ST6GALNAC3: variants seen among roughly 807,000 people sequenced by gnomAD.
ST6GALNAC3 encodes ST6 N-acetylgalactosaminide alpha-2,6-sialyltransferase 3, also known as alpha-N-acetylgalactosaminide alpha-2,6-sialyltransferase 3.
In ST6GALNAC3, 25 loss-of-function variants were observed where a neutral mutation model predicts 32.7. The ratio of observed to expected loss-of-function variants is 0.76; its 90% CI spans 0.56 to 1.07. ST6GALNAC3 has a LOEUF of 1.07. Ranked by LOEUF, ST6GALNAC3 falls within the 50% of genes least tolerant of loss-of-function variation. The probability of loss-of-function intolerance (pLI) is 0.00; values close to 1 mark genes in which losing one functional copy is unlikely to be tolerated. For missense variants in ST6GALNAC3, 355 were observed against 382.4 expected, an observed-to-expected ratio of 0.93 and a Z score of 0.60; for synonymous variants, 129 against 133.1, an observed-to-expected ratio of 0.97 and a Z score of 0.21.
intron 1 of ST6GALNAC3, among the ~76,000 whole-genome samples, chr1:76,081,004 A>G (rs1264645841): frequency 1.3e-5 from 2 of 152,172 alleles, no homozygotes; most frequent in East Asian, 1.9e-4. Context: ...TGGATTGATA[A>G]CAACAGCAAC....
chr1:76,407,240 A>C (rs1360740003), intron 2 of ST6GALNAC3, among the ~76,000 whole-genome samples: 1 of 152,092 alleles, frequency 6.6e-6, no homozygotes, highest in Non-Finnish European at 1.5e-5. Context: ...GCTGAGATTA[A>C]GTTCACACTG....
chr1:76,257,648 G>A (rs753742911), intron 1 of ST6GALNAC3, among the ~76,000 whole-genome samples: 29 of 151,966 alleles, frequency 1.9e-4, no homozygotes, highest in Non-Finnish European at 3.7e-4. Context: ...CTCTTTCATC[G>A]CCCCACTTTG....
intron 1 of ST6GALNAC3, among the ~76,000 whole-genome samples, chr1:76,288,230 A>C (rs1431142366): frequency 6.6e-6 from 1 of 152,216 alleles, no homozygotes; most frequent in Non-Finnish European, 1.5e-5. Context: ...TTGGTGCTGA[A>C]ATGATTATTG....
chr1:76,603,063 A>C (rs968461939), intron 3 of ST6GALNAC3, among the ~76,000 whole-genome samples: 55 of 152,214 alleles, frequency 3.6e-4, no homozygotes, highest in Non-Finnish European at 5.3e-4. Context: ...GATTGGCAAA[A>C]ATTTTAGTCT....
intron 1 of ST6GALNAC3, among the ~76,000 whole-genome samples, chr1:76,181,374 A>T (rs1237031774): frequency 6.6e-6 from 1 of 152,236 alleles, no homozygotes; most frequent in African/African-American, 2.4e-5. Context: ...AAAAAAGTGT[A>T]GGCTACCTGC....
At chr1:76,537,202 T>C (rs999061681) in intron 3 of ST6GALNAC3, among the ~76,000 whole-genome samples, 17 of 151,494 alleles carry the variant, frequency 1.1e-4, no homozygotes, top group African/African-American at 3.9e-4. Context: ...AACCACAAAA[T>C]TACATGGAAA....
intron 1 of ST6GALNAC3, among the ~76,000 whole-genome samples, chr1:76,103,753 T>C (rs1346866731): frequency 6.6e-6 from 1 of 152,198 alleles, no homozygotes; most frequent in Non-Finnish European, 1.5e-5. Context: ...GCTATCTCTC[T>C]GTCCCTCCAT....
intron 1 of ST6GALNAC3, among the ~76,000 whole-genome samples, chr1:76,249,905 T>G (rs1324593335): frequency 2.6e-5 from 4 of 152,244 alleles, no homozygotes; most frequent in African/African-American, 9.6e-5. Flanking sequence ...ATATAATCTT[T>G]GGATGAATGC....
Position 76,182,449 on chromosome 1 carries a change from A to G in ST6GALNAC3, c.18+107565A>G, listed in dbSNP as rs528122893. On this transcript the variant is annotated intron_variant, in intron 1 of 4. Coordinates refer to ENST00000328299, the MANE Select transcript of ST6GALNAC3 (RefSeq NM_152996.4). ...TTTAGTGCCATTCATAAAACTTTTCATAAGAATGACTTCATAGAAGTTTCT... is the reference window on the plus strand; with the variant it reads ...TTTAGTGCCATTCATAAAACTTTTCGTAAGAATGACTTCATAGAAGTTTCT... Among the ~76,000 whole-genome samples, 5 of 152,302 alleles carry G rather than the reference A, an allele frequency of 3.3e-5. No individual in the cohort carries two copies. In the East Asian group the frequency reaches 9.6e-4, roughly 29 times the overall value.
chr1:76,564,704 G>A (rs1410450786), intron 3 of ST6GALNAC3, among the ~76,000 whole-genome samples: 1 of 150,800 alleles, frequency 6.6e-6, no homozygotes, highest in Non-Finnish European at 1.5e-5. Flanking sequence ...TCCTGCCTCA[G>A]CCTCCCAAGT....
At chr1:76,220,381 A>G (rs1323602865) in intron 1 of ST6GALNAC3, among the ~76,000 whole-genome samples, 1 of 152,256 alleles carries the variant, frequency 6.6e-6, no homozygotes, top group Non-Finnish European at 1.5e-5. Flanking sequence ...AGCATTTTAT[A>G]CAAAGTAAAA....
At chr1:76,144,090 GTCTCTCAAACT>G (rs1650519994) in intron 1 of ST6GALNAC3, among the ~76,000 whole-genome samples, 1 of 152,074 alleles carries the variant, frequency 6.6e-6, no homozygotes, top group African/African-American at 2.4e-5. Flanking sequence ...AATGAACCAG[GTCTCTCAAACT>G]CTAGGGCCCA....
intron 3 of ST6GALNAC3, among the ~76,000 whole-genome samples, chr1:76,463,266 G>A (rs902264357): frequency 8.5e-5 from 13 of 152,116 alleles, no homozygotes; most frequent in Non-Finnish European, 1.5e-4. Context: ...CGCTGCTTTA[G>A]GTAAATTGCG....
chr1:76,312,590 AAT>A (rs1239459384), intron 1 of ST6GALNAC3, among the ~76,000 whole-genome samples: 1 of 152,052 alleles, frequency 6.6e-6, no homozygotes, highest in Non-Finnish European at 1.5e-5. Flanking sequence ...AAAAAATAAA[AAT>A]AAAAAAATAA....
chr1:76,597,309 C>G (rs1185894916), intron 3 of ST6GALNAC3, among the ~76,000 whole-genome samples: 1 of 152,066 alleles, frequency 6.6e-6, no homozygotes, highest in South Asian at 2.1e-4. Flanking sequence ...GTATATGTCG[C>G]TTGCTGGGTC....
rs1659141614 is a variant in ST6GALNAC3, at chr1:76,276,482, G to A, written c.19-37323G>A. Among the ~76,000 whole-genome samples, 5 of 152,166 alleles carry A rather than the reference G, an allele frequency of 3.3e-5. No homozygotes were observed. The South Asian group carries it at 1.0e-3, about 32-fold the overall frequency. On this transcript the variant is annotated intron_variant, in intron 1 of 4. Coordinates refer to ENST00000328299, the MANE Select transcript of ST6GALNAC3 (RefSeq NM_152996.4). ...CACATGATTTGTGAGATTCATCCAT[G>A]CTGGTGGATGAATCTATTTCTTAAT...
At chr1:76,408,876 C>A (rs998308374) in intron 2 of ST6GALNAC3, among the ~76,000 whole-genome samples, 2 of 152,104 alleles carry the variant, frequency 1.3e-5, no homozygotes, top group African/African-American at 4.8e-5. Flanking sequence ...GCACCATATG[C>A]ATCTTGGTGA....
intron 1 of ST6GALNAC3, among the ~76,000 whole-genome samples, chr1:76,172,017 G>T (rs550084385): frequency 6.8e-4 from 103 of 151,818 alleles, no homozygotes; most frequent in African/African-American, 2.3e-3. Flanking sequence ...CCAAAACTGG[G>T]AAGAGACACA....
chr1:76,383,532 A>G (rs1230954121), intron 2 of ST6GALNAC3, among the ~76,000 whole-genome samples: 3 of 148,776 alleles, frequency 2.0e-5, no homozygotes, highest in African/African-American at 7.5e-5. Flanking sequence ...TCAGCCTCCC[A>G]AAGTGCTGAG....
Sources: allele counts gnomAD v4.1 joint callset (sites outside exome capture counted in the v4.1 genomes callset), GRCh38; gene constraint gnomAD v4.1.1; transcripts MANE v1.5; gene names NCBI Gene and HGNC (gene_info 2026-07-23, HGNC 2026-07-21).